The following TMEM164 variants were observed in gnomAD, a reference collection of about 807,000 sequenced individuals.
TMEM164 encodes the protein RP13-360B22.2.
Under a neutral mutation model 18.8 loss-of-function variants are expected in TMEM164, and 4 were observed. That is an observed-to-expected ratio of 0.21 (90% CI 0.10 to 0.49). The LOEUF (loss-of-function observed/expected upper bound fraction) is 0.49. Ranked by LOEUF, TMEM164 falls within the 20% of genes least tolerant of loss-of-function variation. TMEM164 has a pLI of 0.98. For synonymous variants in TMEM164, 86 were observed against 101.7 expected (o/e 0.85, Z 0.93); for missense variants, 108 against 239.9 (o/e 0.45, Z 3.63).
chrX:110,089,124 C>A (rs1424854221), intron 3 of TMEM164, among the ~76,000 whole-genome samples: 1 of 111,679 alleles, frequency 9.0e-6, no homozygotes, highest in Non-Finnish European at 1.9e-5. Flanking sequence ...GTTTCTTTCT[C>A]ATTATAAAAG....
chrX:110,086,221 G>A (rs1277457635), intron 3 of TMEM164, among the ~76,000 whole-genome samples: 1 of 111,943 alleles, frequency 8.9e-6, no homozygotes, highest in Non-Finnish European at 1.9e-5. Flanking sequence ...AATTGAGAGA[G>A]GCTATGTTAG....
intron 2 of TMEM164, among the ~76,000 whole-genome samples, chrX:110,031,966 A>G (rs777810067): frequency 1.8e-5 from 2 of 110,665 alleles, no homozygotes; most frequent in Admixed American, 1.9e-4. Context: ...GTGAAAGAAT[A>G]TCTCCTTCTC....
chrX:110,095,280 A>G (rs1364264898), intron 3 of TMEM164, among the ~76,000 whole-genome samples: 12 of 112,102 alleles, frequency 1.1e-4, no homozygotes, highest in Non-Finnish European at 1.9e-4. Flanking sequence ...GTGTTTTCCA[A>G]CTTGGCTCCA....
intron 4 of TMEM164, among the ~76,000 whole-genome samples, chrX:110,143,428 G>A (rs190476188): frequency 9.0e-6 from 1 of 111,276 alleles, no homozygotes; most frequent in Admixed American, 9.4e-5. Flanking sequence ...ACCTTTTCCA[G>A]CTGGGGTCTA....
chrX:110,032,502 A>T (rs1934561843), intron 2 of TMEM164, among the ~76,000 whole-genome samples: 2 of 111,032 alleles, frequency 1.8e-5, no homozygotes, highest in South Asian at 7.5e-4. Flanking sequence ...CTTAATATAT[A>T]CCACGTGAAA....
At chrX:110,029,769 G>A (rs1934364229) in intron 2 of TMEM164, among the ~76,000 whole-genome samples, 1 of 111,057 alleles carries the variant, frequency 9.0e-6, no homozygotes, top group South Asian at 3.8e-4. Context: ...TGCTCTGTTA[G>A]GGCAGCAGCT....
chrX:110,004,390 A>G (rs1018041986), intron 2 of TMEM164, among the ~76,000 whole-genome samples: 3 of 111,259 alleles, frequency 2.7e-5, no homozygotes, highest in Non-Finnish European at 5.7e-5. Flanking sequence ...CCTGAACCCT[A>G]GGAACGACTG....
chrX:110,173,187 G>C lies in TMEM164; in HGVS notation c.688-58G>C. ...TTAGGTAGAGATGGCTGAACTGGCAGAAGCCAGAGAAAGCCTAAGGATGGT... is the reference window on the plus strand; with the variant it reads ...TTAGGTAGAGATGGCTGAACTGGCACAAGCCAGAGAAAGCCTAAGGATGGT... On this transcript the variant is annotated intron_variant, in intron 6 of 6. Transcript: ENST00000372068. 7 of 1,148,093 alleles carry C rather than the reference G, an allele frequency of 6.1e-6. No homozygotes were observed. In the South Asian group the frequency reaches 1.3e-4, roughly 21 times the overall value. 94.6% of individuals were successfully genotyped at this position (1,148,093 alleles called of 1,213,427 possible). A position where few individuals can be genotyped will look rare whatever the true frequency, so the allele number is the denominator to read the frequency against.
Position 110,017,448 on chromosome X carries a change from C to CTTTCTTTCTTTCTTTCTT in TMEM164, c.390+13285_390+13286insTTCTTTCTTTCTTTCTTT, listed in dbSNP as rs1569295315. Among the ~76,000 whole-genome samples, 35 of 15,959 alleles carry CTTTCTTTCTTTCTTTCTT rather than the reference C, an allele frequency of 2.2e-3. 1 individual carries two copies. Among genetic ancestry groups the CTTTCTTTCTTTCTTTCTT allele is most frequent in the African/African-American group, 5.8e-3 (33 of 5,647 alleles). 13.9% of individuals were successfully genotyped at this position (15,959 alleles called of 115,157 possible). On this transcript the variant is annotated intron_variant, in intron 2 of 6. Coordinates refer to ENST00000372068, the MANE Select transcript of TMEM164 (RefSeq NM_032227.4). ...TTTCTTTCTTTCTTTCTTTCTTTCT[C>CTTTCTTTCTTTCTTTCTT]TCTCTCTCTCTCTCTTTCTTTCCTT... is the stretch of plus-strand genomic sequence containing the variant.
intron 2 of TMEM164, among the ~76,000 whole-genome samples, chrX:110,064,693 T>A (rs990886995): frequency 9.8e-4 from 108 of 110,302 alleles, no homozygotes; most frequent in African/African-American, 3.4e-3. Context: ...AAAAGGACCC[T>A]AGAGGCCAGG....
intron 3 of TMEM164, among the ~76,000 whole-genome samples, chrX:110,078,214 A>T (rs2065700795): frequency 9.0e-6 from 1 of 111,656 alleles, no homozygotes; most frequent in Non-Finnish European, 1.9e-5. Context: ...CCATTCTTTG[A>T]GGTCTGAATT....
chrX:110,105,005 G>A (rs1448840832), intron 3 of TMEM164, among the ~76,000 whole-genome samples: 1 of 111,734 alleles, frequency 8.9e-6, no homozygotes, highest in Non-Finnish European at 1.9e-5. Context: ...CCTTCAGTCT[G>A]TCCATCTGCT....
rs182408911 is a variant in TMEM164, at chrX:110,020,002, T to G, written c.390+15838T>G. On this transcript the variant is annotated intron_variant, in intron 2 of 6. Coordinates refer to ENST00000372068, the MANE Select transcript of TMEM164 (RefSeq NM_032227.4). ...GACAGAAATATTCTTTCTTTTCTCT[T>G]CCTGTTGAAATGCTAGTTATCATTC... is the stretch of plus-strand genomic sequence containing the variant. 1.1e-3 allele frequency among the ~76,000 whole-genome samples: 125 copies of G among 112,373 alleles called. 1 individual carries two copies. The highest frequency in any genetic ancestry group is 3.7e-3 in the African/African-American group (114 of 30,947).
At chrX:110,032,618 T>C (rs778983195) in intron 2 of TMEM164, among the ~76,000 whole-genome samples, 2 of 112,114 alleles carry the variant, frequency 1.8e-5, no homozygotes, top group Non-Finnish European at 1.9e-5. Context: ...GCATATAAGC[T>C]TCATCTAGTA....
intron 4 of TMEM164, among the ~76,000 whole-genome samples, chrX:110,116,849 T>C (rs970366250): frequency 9.7e-5 from 10 of 103,443 alleles, no homozygotes; most frequent in Non-Finnish European, 1.4e-4. Context: ...TGTGTGTGTG[T>C]GTGCGCGTGT....
At chrX:110,028,776 C>T (rs897819533) in intron 2 of TMEM164, among the ~76,000 whole-genome samples, 1 of 111,698 alleles carries the variant, frequency 9.0e-6, no homozygotes, top group African/African-American at 3.3e-5. Flanking sequence ...TCCACTAGAT[C>T]AACCTTGTTA....
intron 2 of TMEM164, 45 bp downstream of exon 2, chrX:110,004,209 C>T (rs1296022239): frequency 8.7e-7 from 1 of 1,151,835 alleles, no homozygotes; most frequent in Non-Finnish European, 1.2e-6. Flanking sequence ...TGATAAGAGT[C>T]ATTTATGTGC....
At chrX:110,178,168 C>T (rs761548696), downstream of TMEM164, among the ~76,000 whole-genome samples, 1 of 112,596 alleles carries the variant, frequency 8.9e-6, no homozygotes, top group African/African-American at 3.2e-5. Flanking sequence ...TCAGCACAGG[C>T]CTGCACCCAG....
At chrX:110,143,522 G>A (rs972558816) in intron 4 of TMEM164, among the ~76,000 whole-genome samples, 2 of 111,415 alleles carry the variant, frequency 1.8e-5, no homozygotes, top group Non-Finnish European at 3.8e-5. Flanking sequence ...GCAGCATGTG[G>A]GTCCCTGGGA....
Sources: allele counts gnomAD v4.1 joint callset (sites outside exome capture counted in the v4.1 genomes callset), GRCh38; gene constraint gnomAD v4.1.1; transcripts MANE v1.5; gene names NCBI Gene and HGNC (gene_info 2026-07-23, HGNC 2026-07-21).